The following HECW1 variants were observed in gnomAD, a reference collection of about 807,000 sequenced individuals.
HECW1 encodes E3 ubiquitin-protein ligase HECW1.
In HECW1, 61 loss-of-function variants were observed where a neutral mutation model predicts 182.3. The ratio of observed to expected loss-of-function variants is 0.33; its 90% CI spans 0.27 to 0.41. The LOEUF (loss-of-function observed/expected upper bound fraction) is 0.41. Ranked by LOEUF, HECW1 falls within the 10% of genes least tolerant of loss-of-function variation. The pLI, the probability that HECW1 is intolerant of heterozygous loss-of-function variation, is 1.00. For missense variants in HECW1, 1,739 were observed against 2,108.9 expected, an observed-to-expected ratio of 0.82 and a Z score of 3.44; for synonymous variants, 859 against 832.6, an observed-to-expected ratio of 1.03 and a Z score of -0.55.
Position 43,438,193 on chromosome 7 carries a change from G to A in HECW1, c.944+48G>A, listed in dbSNP as rs762016122. 9 of 1,578,830 alleles carry A rather than the reference G, an allele frequency of 5.7e-6. No homozygotes were observed. The Admixed American group carries it at 8.5e-5, about 15-fold the overall frequency. On this transcript the variant is annotated intron_variant, in intron 9 of 29. Coordinates refer to ENST00000395891, the MANE Select transcript of HECW1 (RefSeq NM_015052.5). ...ACTATCACTAGGTTCCCACCAACAG[G>A]TCGTGCCCAAAGGTGGCCTGTAGGC...
At chr7:43,492,021 G>C in intron 17 of HECW1, 54 bp from the exon 18 acceptor site, 1 of 1,294,162 alleles carries the variant, frequency 7.7e-7, no homozygotes, top group Non-Finnish European at 1.1e-6. Flanking sequence ...GGTATCAAGA[G>C]ACATCTGAAA....
At chr7:43,382,774 A>G (rs1413517149) in intron 6 of HECW1, among the ~76,000 whole-genome samples, 2 of 152,158 alleles carry the variant, frequency 1.3e-5, no homozygotes, top group Admixed American at 6.5e-5. Context: ...ATGTGGATTT[A>G]TTATCTTACT....
intron 3 of HECW1, among the ~76,000 whole-genome samples, chr7:43,279,460 T>C (rs1161520264): frequency 1.3e-5 from 2 of 152,120 alleles, no homozygotes. Flanking sequence ...CTCGGTGAGC[T>C]GCAAGGTTCT....
rs371663336 is a variant in HECW1, at chr7:43,445,293, C to G, written c.2121C>G (p.Cys707Trp). The change falls in exon 11 of 30, where the codon TGC becomes TGG. Residue 707 changes from cysteine (C) to tryptophan (W), a missense_variant. Physicochemically the swap from Cys to Trp is radical, Grantham distance 215 (BLOSUM62 -2). Transcript: ENST00000395891. ...CYSASCYSPS[C>W]YNGNRFASHT... is the part of the protein sequence containing the mutation. ...GCGCCTCGTGCTACAGCCCCTCCTGCTACAACGGCAACAGGTTCGCCAGCC... is the reference window on the plus strand; with the variant it reads ...GCGCCTCGTGCTACAGCCCCTCCTGGTACAACGGCAACAGGTTCGCCAGCC... 7.3e-5 allele frequency: 117 copies of G among 1,613,560 alleles called. No homozygotes were observed. Among genetic ancestry groups the G allele is most frequent in the African/African-American group, 1.6e-4 (12 of 74,944 alleles).
chr7:43,434,287 GAGA>G (rs1396153199), intron 8 of HECW1, among the ~76,000 whole-genome samples: 1 of 152,238 alleles, frequency 6.6e-6, no homozygotes, highest in Non-Finnish European at 1.5e-5. Context: ...GAGTCAAAAG[GAGA>G]AGGTGATAGT....
intron 5 of HECW1, among the ~76,000 whole-genome samples, chr7:43,348,000 C>T (rs547625938): frequency 9.4e-4 from 143 of 152,172 alleles, no homozygotes; most frequent in Non-Finnish European, 1.7e-3. Context: ...TAAGTCCTTT[C>T]CTGGTTTTGG....
intron 2 of HECW1, among the ~76,000 whole-genome samples, chr7:43,218,991 T>C (rs1451495525): frequency 6.6e-6 from 1 of 152,122 alleles, no homozygotes; most frequent in African/African-American, 2.4e-5. Context: ...CAGCCAGGTA[T>C]ATAAACAGGC....
intron 2 of HECW1, among the ~76,000 whole-genome samples, chr7:43,149,073 C>T (rs1470589348): frequency 6.6e-6 from 1 of 151,912 alleles, no homozygotes. Context: ...AAATAAAATC[C>T]ACAGATGAAT....
chr7:43,560,957 A>G (rs149302149), intron 29 of HECW1, among the ~76,000 whole-genome samples: 2 of 152,302 alleles, frequency 1.3e-5, no homozygotes, highest in Non-Finnish European at 2.9e-5. Flanking sequence ...CTTTCTCTCT[A>G]CTACGGTACA....
Position 43,550,311 on chromosome 7 carries a change from A to C in HECW1, c.4249-134A>C, listed in dbSNP as rs116497914. On this transcript the variant is annotated intron_variant, in intron 26 of 29. Transcript: ENST00000395891. ...TAGTGACCTTTAGCAAGGAAAAAAGACTCCAGGGATAATAATGCTGAATAA... is the reference window on the plus strand; with the variant it reads ...TAGTGACCTTTAGCAAGGAAAAAAGCCTCCAGGGATAATAATGCTGAATAA... The C allele has an allele frequency of 3.2e-3, 2,998 of 932,192 alleles. 42 individuals carry two copies. The highest frequency in any genetic ancestry group is 0.025 in the African/African-American group (1,542 of 60,760). The allele number at this position is 932,192 out of a possible 1,614,324, so 57.7% of individuals were successfully genotyped here. A position where few individuals can be genotyped will look rare whatever the true frequency, so the allele number is the denominator to read the frequency against.
At chr7:43,412,295 C>A (rs532706958) in intron 8 of HECW1, among the ~76,000 whole-genome samples, 1 of 151,928 alleles carries the variant, frequency 6.6e-6, no homozygotes. Flanking sequence ...ATTGTATATA[C>A]ATTATAAACC....
In HECW1 at chr7:43,466,410, C is replaced by G. The variant is rs1047436124; in HGVS notation, c.2792-37C>G. On this transcript the variant is annotated intron_variant, in intron 14 of 29. Transcript: ENST00000395891. ...GTACAGAGGTTGAAATGCCTTTTTC[C>G]CAATGCATTCTGTTGCTTTGCTTCA... 14 of 1,606,222 alleles carry G rather than the reference C, an allele frequency of 8.7e-6. No homozygotes were observed. In the Admixed American group the frequency reaches 1.8e-4, roughly 21 times the overall value.
At chr7:43,176,905 C>T (rs539328761) in intron 2 of HECW1, among the ~76,000 whole-genome samples, 3 of 152,284 alleles carry the variant, frequency 2.0e-5, no homozygotes, top group South Asian at 2.1e-4. Flanking sequence ...ATTGCAATTA[C>T]GAAGCAGTGC....
chr7:43,277,823 C>G (rs1460547169), intron 3 of HECW1, among the ~76,000 whole-genome samples: 6 of 152,206 alleles, frequency 3.9e-5, no homozygotes, highest in Admixed American at 3.9e-4. Flanking sequence ...TCCCCTGGCC[C>G]ATTTTCAGCC....
chr7:43,422,859 T>G (rs6952823), intron 8 of HECW1, among the ~76,000 whole-genome samples: 1,796 of 152,130 alleles, frequency 0.012, 27 homozygotes, highest in African/African-American at 0.042. Flanking sequence ...CTAAAAGCCC[T>G]GTCACCTGGA....
chr7:43,544,129 G>C (rs1252785369), intron 26 of HECW1, among the ~76,000 whole-genome samples: 2 of 152,128 alleles, frequency 1.3e-5, no homozygotes, highest in Non-Finnish European at 2.9e-5. Flanking sequence ...TGCTGATACA[G>C]ATATCGCACA....
intron 2 of HECW1, among the ~76,000 whole-genome samples, chr7:43,207,249 G>A (rs1445718474): frequency 1.3e-5 from 2 of 152,108 alleles, no homozygotes; most frequent in Admixed American, 6.6e-5. Flanking sequence ...GTTTCACCAT[G>A]TTGGCCAGGC....
At chr7:43,293,185 G>A (rs549791799) in intron 3 of HECW1, among the ~76,000 whole-genome samples, 11 of 133,842 alleles carry the variant, frequency 8.2e-5, no homozygotes, top group South Asian at 2.3e-4. Flanking sequence ...GTGCCACTGC[G>A]CTCCAGCCTG....
chr7:43,128,100 G>A (rs974211367), intron 2 of HECW1, among the ~76,000 whole-genome samples: 1 of 152,020 alleles, frequency 6.6e-6, no homozygotes, highest in South Asian at 2.1e-4. Context: ...GGCTGGGCTC[G>A]AACTGCTGGG....
Sources: allele counts gnomAD v4.1 joint callset (sites outside exome capture counted in the v4.1 genomes callset), GRCh38; gene constraint gnomAD v4.1.1; transcripts MANE v1.5; gene names NCBI Gene and HGNC (gene_info 2026-07-23, HGNC 2026-07-21).